IL1RAPL2: variants seen among roughly 807,000 people sequenced by gnomAD.
The protein encoded by IL1RAPL2 is X-linked interleukin-1 receptor accessory protein-like 2.
In IL1RAPL2, 3 loss-of-function variants were observed where a neutral mutation model predicts 44.1. That is an observed-to-expected ratio of 0.07 (90% confidence interval 0.03 to 0.18). The LOEUF is 0.18. Among genes scored for constraint, IL1RAPL2 ranks in the 10% least tolerant of loss-of-function variants. The pLI, the probability that IL1RAPL2 is intolerant of heterozygous loss-of-function variation, is 1.00. For missense variants in IL1RAPL2, 391 were observed against 496.4 expected (o/e 0.79, Z 2.02); for synonymous variants, 181 against 178.8 (o/e 1.01, Z -0.10).
At chrX:105,405,247 TACTC>T (rs1243978338) in intron 5 of IL1RAPL2, among the ~76,000 whole-genome samples, 1 of 111,748 alleles carries the variant, frequency 8.9e-6, no homozygotes, top group South Asian at 3.7e-4. Flanking sequence ...TTGATATAAA[TACTC>T]AAACATTCTT....
intron 1 of IL1RAPL2, among the ~76,000 whole-genome samples, chrX:104,595,113 A>G (rs1309044841): frequency 8.9e-6 from 1 of 111,912 alleles, no homozygotes; most frequent in African/African-American, 3.3e-5. Context: ...GGATGCAGGG[A>G]CAGCAGTATG....
At chrX:104,989,343 C>A (rs2030618351) in intron 2 of IL1RAPL2, among the ~76,000 whole-genome samples, 1 of 111,783 alleles carries the variant, frequency 8.9e-6, no homozygotes. Context: ...GATGGCCCAA[C>A]CTACCCTCAT....
chrX:105,059,078 A>G (rs2032037918), intron 2 of IL1RAPL2, among the ~76,000 whole-genome samples: 1 of 112,202 alleles, frequency 8.9e-6, no homozygotes, highest in Non-Finnish European at 1.9e-5. Context: ...GGGCAAATAG[A>G]ATATCCATCA....
chrX:104,949,005 C>T (rs1925482252), intron 2 of IL1RAPL2, among the ~76,000 whole-genome samples: 1 of 109,792 alleles, frequency 9.1e-6, no homozygotes, highest in African/African-American at 3.3e-5. Flanking sequence ...ACCAGTTCCT[C>T]CTTGTACCTC....
chrX:105,707,359 G>C (rs1039336825), intron 6 of IL1RAPL2, among the ~76,000 whole-genome samples: 1 of 112,142 alleles, frequency 8.9e-6, no homozygotes, highest in African/African-American at 3.2e-5. Context: ...ATTTAATGCT[G>C]CAAGAGAAAA....
chrX:104,700,489 G>A (rs770464842), intron 2 of IL1RAPL2, among the ~76,000 whole-genome samples: 13 of 110,991 alleles, frequency 1.2e-4, no homozygotes, highest in East Asian at 2.8e-4. Flanking sequence ...CTAGTTTTAC[G>A]GCATGGCATT....
intron 2 of IL1RAPL2, among the ~76,000 whole-genome samples, chrX:104,876,694 A>G (rs1260910276): frequency 2.5e-5 from 1 of 39,277 alleles, no homozygotes; most frequent in Admixed American, 2.9e-4. Context: ...ATTTTATTTT[A>G]TTTTTTTCTC....
At chrX:105,649,862 G>T (rs2147842759) in intron 6 of IL1RAPL2, among the ~76,000 whole-genome samples, 1 of 111,658 alleles carries the variant, frequency 9.0e-6, no homozygotes, top group South Asian at 3.8e-4. Flanking sequence ...GGGTGCAATT[G>T]GGCATTGTCT....
At chrX:104,816,528 A>C (rs2147621291) in intron 2 of IL1RAPL2, among the ~76,000 whole-genome samples, 1 of 112,408 alleles carries the variant, frequency 8.9e-6, no homozygotes, top group African/African-American at 3.2e-5. Context: ...CTTAAAAAGA[A>C]GCATGGCTTT....
At chrX:104,828,649 G>A (rs755929886) in intron 2 of IL1RAPL2, among the ~76,000 whole-genome samples, 12 of 112,281 alleles carry the variant, frequency 1.1e-4, no homozygotes, top group Admixed American at 4.7e-4. Flanking sequence ...AGCAGAGCTC[G>A]AGCGTTGTGC....
intron 2 of IL1RAPL2, among the ~76,000 whole-genome samples, chrX:104,928,409 A>G (rs1361366714): frequency 9.0e-6 from 1 of 111,277 alleles, no homozygotes; most frequent in Non-Finnish European, 1.9e-5. Context: ...TGTTAGAACA[A>G]GTGCTTAGCA....
rs1201453689 is a variant in IL1RAPL2 at position 105,047,129 on chromosome X, CA to C, written c.83-148345del. Reference sequence around the variant, plus strand: ...GAGCTACGTTCTTTCTCATCACATGCAGGGAGTTGCATATACCCCTTACATA... The same window carrying C: ...GAGCTACGTTCTTTCTCATCACATGCGGGAGTTGCATATACCCCTTACATA... On this transcript the variant is annotated intron_variant, in intron 2 of 10. Coordinates refer to ENST00000372582, the MANE Select transcript of IL1RAPL2 (RefSeq NM_017416.2). Among the ~76,000 whole-genome samples, 3 of 111,229 alleles carry C rather than the reference CA, an allele frequency of 2.7e-5. No individual in the cohort carries two copies. In the East Asian group the frequency reaches 8.5e-4, roughly 31 times the overall value.
At chrX:104,839,857 T>C (rs1190324247) in intron 2 of IL1RAPL2, among the ~76,000 whole-genome samples, 1 of 111,980 alleles carries the variant, frequency 8.9e-6, no homozygotes, top group Non-Finnish European at 1.9e-5. Flanking sequence ...TCTTCTGGAT[T>C]TTCTATAGTA....
intron 6 of IL1RAPL2, among the ~76,000 whole-genome samples, chrX:105,613,986 C>T (rs750686720): frequency 1.8e-5 from 2 of 111,480 alleles, no homozygotes; most frequent in East Asian, 5.7e-4. Context: ...AGTCAAGTTG[C>T]AGGATACAAA....
chrX:104,656,795 A>T (rs1268128438), intron 1 of IL1RAPL2, among the ~76,000 whole-genome samples: 1 of 111,325 alleles, frequency 9.0e-6, no homozygotes, highest in African/African-American at 3.3e-5. Context: ...TCCCATTATT[A>T]TTGCATGGCA....
chrX:105,147,704 A>G (rs2033191377), intron 2 of IL1RAPL2, among the ~76,000 whole-genome samples: 4 of 111,926 alleles, frequency 3.6e-5, no homozygotes, highest in Non-Finnish European at 3.8e-5. Flanking sequence ...TTGTATGTAT[A>G]TGCATATTTA....
chrX:104,931,230 T>C (rs1190906783), intron 2 of IL1RAPL2, among the ~76,000 whole-genome samples: 1 of 110,514 alleles, frequency 9.0e-6, no homozygotes, highest in Non-Finnish European at 1.9e-5. Context: ...GAAGTAGCAC[T>C]AAGATAGGGT....
intron 6 of IL1RAPL2, among the ~76,000 whole-genome samples, chrX:105,697,227 A>G (rs1000027078): frequency 9.2e-6 from 1 of 108,895 alleles, no homozygotes; most frequent in Non-Finnish European, 1.9e-5. Flanking sequence ...TGGGGTTCAC[A>G]TATCAACATG....
At chrX:104,670,475 T>C (rs1930572873) in intron 2 of IL1RAPL2, among the ~76,000 whole-genome samples, 1 of 111,676 alleles carries the variant, frequency 9.0e-6, no homozygotes, top group African/African-American at 3.3e-5. Context: ...TTATCTCCTC[T>C]GGCAACACCC....
Sources: allele counts gnomAD v4.1 joint callset (sites outside exome capture counted in the v4.1 genomes callset), GRCh38; gene constraint gnomAD v4.1.1; transcripts MANE v1.5; gene names NCBI Gene and HGNC (gene_info 2026-07-23, HGNC 2026-07-21).